The following UNC5C variants were observed in gnomAD, a reference collection of about 807,000 sequenced individuals.
The protein encoded by UNC5C is netrin receptor UNC5C.
In UNC5C, 47 loss-of-function variants were observed where a neutral mutation model predicts 99.8. The observed-to-expected ratio is 0.47, with a 90% confidence interval of 0.37 to 0.60. The LOEUF is 0.60. UNC5C is among the 20% of genes least tolerant of loss of function. The probability of loss-of-function intolerance (pLI) is 0.00; values close to 1 mark genes in which losing one functional copy is unlikely to be tolerated. For synonymous variants in UNC5C, 487 were observed against 452.2 expected, an observed-to-expected ratio of 1.08 and a Z score of -0.98; for missense variants, 1,062 against 1,165.9, an observed-to-expected ratio of 0.91 and a Z score of 1.30.
At chr4:95,185,841 A>G (rs1401495608) in intron 12 of UNC5C, among the ~76,000 whole-genome samples, 1 of 152,220 alleles carries the variant, frequency 6.6e-6, no homozygotes, top group Non-Finnish European at 1.5e-5. Flanking sequence ...ATTCCGATAC[A>G]GATTAGGAAG....
intron 11 of UNC5C, among the ~76,000 whole-genome samples, chr4:95,205,361 A>G (rs910811727): frequency 6.6e-6 from 1 of 152,186 alleles, no homozygotes; most frequent in African/African-American, 2.4e-5. Context: ...ATCTGGTTAA[A>G]TCTGGTCCTA....
intron 3 of UNC5C, among the ~76,000 whole-genome samples, chr4:95,282,725 C>A (rs1741104376): frequency 6.6e-6 from 1 of 152,204 alleles, no homozygotes; most frequent in South Asian, 2.1e-4. Flanking sequence ...TCTGAGCATT[C>A]ATTCCTTCCT....
intron 1 of UNC5C, among the ~76,000 whole-genome samples, chr4:95,479,194 G>C (rs563254766): frequency 6.6e-6 from 1 of 151,918 alleles, no homozygotes; most frequent in Non-Finnish European, 1.5e-5. Flanking sequence ...ATGTTGACTT[G>C]TATAAAGAGT....
intron 4 of UNC5C, among the ~76,000 whole-genome samples, chr4:95,254,774 G>C (rs1451354073): frequency 1.3e-5 from 2 of 152,120 alleles, no homozygotes; most frequent in African/African-American, 4.8e-5. Flanking sequence ...ACCCTTTTCT[G>C]TCTTTCCTAT....
At chr4:95,283,752 T>C (rs1741140542) in intron 3 of UNC5C, among the ~76,000 whole-genome samples, 1 of 152,250 alleles carries the variant, frequency 6.6e-6, no homozygotes, top group African/African-American at 2.4e-5. Flanking sequence ...TTGGAAGACC[T>C]TTAGGATTCT....
chr4:95,388,500 C>CCA (rs777632251), intron 1 of UNC5C, among the ~76,000 whole-genome samples: 16 of 152,238 alleles, frequency 1.1e-4, no homozygotes, highest in Non-Finnish European at 1.9e-4. Flanking sequence ...GGGGATGAGG[C>CCA]CACTGGTATG....
chr4:95,265,487 C>T (rs998254283), intron 4 of UNC5C, among the ~76,000 whole-genome samples: 6 of 152,082 alleles, frequency 3.9e-5, no homozygotes, highest in African/African-American at 1.4e-4. Flanking sequence ...TAAAAATTTT[C>T]ATTATTTATG....
chr4:95,182,127 A>G (rs141658562), intron 14 of UNC5C, among the ~76,000 whole-genome samples: 2 of 152,252 alleles, frequency 1.3e-5, no homozygotes, highest in African/African-American at 4.8e-5. Flanking sequence ...GGTAACAGAT[A>G]AGGAAGGTCA....
At chr4:95,406,643 C>G (rs573176520) in intron 1 of UNC5C, among the ~76,000 whole-genome samples, 1 of 152,280 alleles carries the variant, frequency 6.6e-6, no homozygotes, top group South Asian at 2.1e-4. Context: ...CCGTCAGTCC[C>G]TTAAGCCACT....
rs145205384 is a variant in UNC5C at position 95,178,399 on chromosome 4, C to T, written c.2451+4498G>A. Among the ~76,000 whole-genome samples the T allele has an allele frequency of 2.6e-5, 4 of 152,336 alleles. No homozygotes were observed. In the South Asian group the frequency reaches 6.2e-4, roughly 24 times the overall value. ...TGCCTCCCAGCTCTTCTGTGCTCCT[C>T]ACACTCTGCTCTGTGCACATTGGCT... is the stretch of plus-strand genomic sequence containing the variant. On this transcript the variant is annotated intron_variant, in intron 14 of 15. Transcript: ENST00000453304.
chr4:95,250,790 G>C, intron 4 of UNC5C, 123 bp from the exon 5 acceptor site: 3 of 957,238 alleles, frequency 3.1e-6, no homozygotes, highest in Middle Eastern at 3.4e-4. Context: ...CCTGTGTTTT[G>C]TAATATGTAC....
intron 1 of UNC5C, among the ~76,000 whole-genome samples, chr4:95,462,615 A>C (rs750993695): frequency 2.6e-5 from 4 of 152,244 alleles, no homozygotes; most frequent in African/African-American, 9.6e-5. Flanking sequence ...TCTGAATGAA[A>C]TAAGACTTAA....
At chr4:95,209,666 A>G (rs1046727422) in intron 10 of UNC5C, among the ~76,000 whole-genome samples, 1 of 152,152 alleles carries the variant, frequency 6.6e-6, no homozygotes, top group Non-Finnish European at 1.5e-5. Flanking sequence ...TACTATCCCC[A>G]TTACCACCTT....
intron 1 of UNC5C, among the ~76,000 whole-genome samples, chr4:95,436,551 T>A (rs1290662582): frequency 6.6e-6 from 1 of 152,074 alleles, no homozygotes; most frequent in East Asian, 1.9e-4. Flanking sequence ...TTTGAGGCAG[T>A]CTTCTTGCTA....
intron 9 of UNC5C, among the ~76,000 whole-genome samples, chr4:95,216,829 C>CA (rs1295292328): frequency 6.6e-6 from 1 of 152,220 alleles, no homozygotes; most frequent in African/African-American, 2.4e-5. Context: ...TCTGCTGTGG[C>CA]AGTGGCTTGC....
chr4:95,548,596 G>A (rs916498542), intron 1 of UNC5C, 138 bp downstream of exon 1: 6 of 908,046 alleles, frequency 6.6e-6, no homozygotes, highest in Non-Finnish European at 9.3e-6. Context: ...GACTAGTTGG[G>A]AAAGTGGAAT....
chr4:95,333,937 G>A (rs2626053), intron 2 of UNC5C, among the ~76,000 whole-genome samples: 23,891 of 151,954 alleles, frequency 0.16, 2,087 homozygotes, highest in Admixed American at 0.2. Context: ...GACATCTGGT[G>A]GAGTTATTTT....
At chr4:95,271,116 T>G (rs1740642393) in intron 4 of UNC5C, among the ~76,000 whole-genome samples, 1 of 152,174 alleles carries the variant, frequency 6.6e-6, no homozygotes, top group Admixed American at 6.5e-5. Flanking sequence ...CCAACAAAAA[T>G]TTTTGAAAAC....
chr4:95,318,179 G>T, intron 2 of UNC5C, among the ~76,000 whole-genome samples: 1 of 152,046 alleles, frequency 6.6e-6, no homozygotes, highest in East Asian at 1.9e-4. Context: ...GGATTATCCA[G>T]GTGAGCCCAG....
Sources: gnomAD v4.1 joint callset for allele counts (sites outside exome capture counted in the v4.1 genomes callset) on GRCh38, gnomAD v4.1.1 for gene constraint, MANE v1.5 for transcripts, NCBI Gene and HGNC (gene_info 2026-07-23, HGNC 2026-07-21) for gene names.